Variants in SCN2A observed in about 807,000 individuals in gnomAD.
SCN2A encodes sodium channel protein type 2 subunit alpha.
In SCN2A, 20 loss-of-function variants were observed where a neutral mutation model predicts 188.7. That is an observed-to-expected ratio of 0.11 (90% confidence interval 0.07 to 0.15). The LOEUF (loss-of-function observed/expected upper bound fraction) is 0.15, where lower values mean the gene tolerates loss of function less well. Among genes scored for constraint, SCN2A ranks in the 10% least tolerant of loss-of-function variants. The pLI, the probability that SCN2A is intolerant of heterozygous loss-of-function variation, is 1.00. For missense variants in SCN2A, 1,278 were observed against 2,445.0 expected (o/e 0.52, Z 10.07); for synonymous variants, 804 against 833.1 (o/e 0.97, Z 0.60).
At chr2:165,383,210 G>A (rs1312764003) in intron 25 of SCN2A, among the ~76,000 whole-genome samples, 5 of 152,028 alleles carry the variant, frequency 3.3e-5, no homozygotes, top group Non-Finnish European at 7.4e-5. Flanking sequence ...CAGAAAAAAA[G>A]GGATACTTTC....
chr2:165,368,601 C>T (rs995846025), intron 19 of SCN2A, among the ~76,000 whole-genome samples: 4 of 152,114 alleles, frequency 2.6e-5, no homozygotes, highest in Non-Finnish European at 5.9e-5. Context: ...GAAGTAGACT[C>T]ACTTAATTAC....
chr2:165,267,586 T>G (rs190645981), intron 1 of SCN2A: 20 of 151,968 alleles, frequency 1.3e-4, no homozygotes, highest in African/African-American at 4.3e-4. Context: ...ATCTGGGCAA[T>G]GATTTTTTGA....
At chr2:165,318,673 C>A (rs1439896614) in intron 11 of SCN2A, among the ~76,000 whole-genome samples, 1 of 152,194 alleles carries the variant, frequency 6.6e-6, no homozygotes, top group Non-Finnish European at 1.5e-5. Flanking sequence ...TCCAACCCTT[C>A]TATGGCTCCA....
chr2:165,285,284 C>T (rs1429101457), intron 1 of SCN2A: 1 of 154,670 alleles, frequency 6.5e-6, no homozygotes, highest in Admixed American at 6.5e-5. Flanking sequence ...ACATCAGTCA[C>T]CAATGACAAC....
chr2:165,240,695 G>GTGTGTGTGTGT (rs1693579275), intron 1 of SCN2A, among the ~76,000 whole-genome samples: 1 of 136,078 alleles, frequency 7.3e-6, no homozygotes. Context: ...GTGTGTGTGT[G>GTGTGTGTGTGT]ATGGTGGAGG....
At position 165,357,206 on chromosome 2, in the gene SCN2A, A is replaced by G. The variant is rs531763180; in HGVS notation, c.3399+2535A>G. On this transcript the variant is annotated intron_variant, in intron 17 of 26. Transcript: ENST00000375437. The stretch of plus-strand genomic sequence containing the variant: ...TTACCTGGTAGCTCTACACTAAAAA[A>G]CTAGAGAATTAAAACAATTATTGAA... Among the ~76,000 whole-genome samples, 5 of 152,292 alleles carry G rather than the reference A, an allele frequency of 3.3e-5. No individual in the cohort carries two copies. The South Asian group carries it at 8.3e-4, about 25-fold the overall frequency.
chr2:165,359,620 A>G lies in SCN2A; in HGVS notation c.3399+4949A>G, dbSNP rs1700354644. Among the ~76,000 whole-genome samples, 6 of 152,242 alleles carry G rather than the reference A, an allele frequency of 3.9e-5. No homozygotes were observed. The South Asian group carries it at 1.2e-3, about 32-fold the overall frequency. ...TAATTTCTAATACAGGGGTTTGGAA[A>G]GGGGACAAAAATGTGCAGGGAAGGT... is the stretch of plus-strand genomic sequence containing the variant. On this transcript the variant is annotated intron_variant, in intron 17 of 26. Transcript: ENST00000375437.
chr2:165,256,038 C>T (rs1694307704), intron 1 of SCN2A, among the ~76,000 whole-genome samples: 1 of 127,162 alleles, frequency 7.9e-6, no homozygotes, highest in African/African-American at 3.1e-5. Context: ...GAGTCTCTCG[C>T]TCTGTCGCCC....
At chr2:165,376,732 G>T (rs528164756) in intron 22 of SCN2A, among the ~76,000 whole-genome samples, 1 of 151,968 alleles carries the variant, frequency 6.6e-6, no homozygotes, top group African/African-American at 2.4e-5. Flanking sequence ...GTCCACACGC[G>T]TGTGTGTAGA....
intron 1 of SCN2A, among the ~76,000 whole-genome samples, chr2:165,256,295 G>C (rs1694323699): frequency 6.6e-6 from 1 of 151,964 alleles, no homozygotes; most frequent in Non-Finnish European, 1.5e-5. Flanking sequence ...GTGAGCCACT[G>C]CACCTGGCCT....
chr2:165,323,175 G>C lies in SCN2A; in HGVS notation c.1691G>C (p.Gly564Ala). 6.2e-7 allele frequency: 1 copy of C among 1,614,016 alleles called. No homozygotes were observed. The change falls in exon 12 of 27, where the codon GGC becomes GCC. Residue 564 changes from glycine to alanine, a missense_variant. By Grantham distance (60) the Gly-to-Ala change is moderately conservative (BLOSUM62 0). Transcript: ENST00000375437. ...SPHQSLLSIR[G>A]SLFSPRRNSR... ...TCATAGTCCTTACTGAGCATCCGTG[G>C]CTCCCTTTTCTCTCCAAGACGCAAC... is the stretch of plus-strand genomic sequence containing the variant.
At chr2:165,285,587 T>C (rs1052333770) in intron 1 of SCN2A, 3 of 235,834 alleles carry the variant, frequency 1.3e-5, no homozygotes, top group Non-Finnish European at 2.8e-5. Context: ...AGTTTTTTGA[T>C]GCAAACTGCA....
intron 13 of SCN2A, chr2:165,328,610 A>T (rs1219932179): frequency 3.3e-6 from 2 of 602,818 alleles, no homozygotes; most frequent in Non-Finnish European, 4.2e-6. Context: ...GACATTACTT[A>T]AAAAACCTCA....
At chr2:165,370,902 A>G (rs1290661954) in intron 20 of SCN2A, 1 of 154,822 alleles carries the variant, frequency 6.5e-6, no homozygotes, top group Non-Finnish European at 1.4e-5. Context: ...CATTAAATGT[A>G]CTACTACTAT....
At chr2:165,331,891 G>A (rs761186455) in intron 14 of SCN2A, among the ~76,000 whole-genome samples, 2 of 152,044 alleles carry the variant, frequency 1.3e-5, no homozygotes, top group Non-Finnish European at 2.9e-5. Context: ...TTTAGGACAT[G>A]TCTGTGTTTA....
intron 1 of SCN2A, among the ~76,000 whole-genome samples, chr2:165,281,054 C>G (rs77208714): frequency 1.3e-5 from 2 of 152,240 alleles, no homozygotes; most frequent in Non-Finnish European, 2.9e-5. Flanking sequence ...AGACCCTCAT[C>G]TCTACAAATA....
At chr2:165,303,270 G>GTTTTTAT (rs1696920705) in intron 3 of SCN2A, among the ~76,000 whole-genome samples, 1 of 91,330 alleles carries the variant, frequency 1.1e-5, no homozygotes, top group Non-Finnish European at 2.1e-5. Flanking sequence ...TGTTATTTGA[G>GTTTTTAT]TTTTTTTTTT....
chr2:165,280,165 C>A (rs1695523767), intron 1 of SCN2A, among the ~76,000 whole-genome samples: 1 of 152,050 alleles, frequency 6.6e-6, no homozygotes, highest in South Asian at 2.1e-4. Flanking sequence ...GGAGATAGAA[C>A]CTTTAAAAGC....
intron 1 of SCN2A, among the ~76,000 whole-genome samples, chr2:165,286,808 A>G (rs1695855707): frequency 6.6e-6 from 1 of 152,156 alleles, no homozygotes; most frequent in Admixed American, 6.5e-5. Flanking sequence ...TTTTCCAATT[A>G]TCTCTGAAAT....
Sources: allele counts gnomAD v4.1 joint callset (sites outside exome capture counted in the v4.1 genomes callset), GRCh38; gene constraint gnomAD v4.1.1; transcripts MANE v1.5; gene names NCBI Gene and HGNC (gene_info 2026-07-23, HGNC 2026-07-21).